ALB: variants seen among roughly 807,000 people sequenced by gnomAD.
The protein encoded by ALB is albumin, also known as serum albumin.
In ALB, 37 loss-of-function variants were observed where a neutral mutation model predicts 74.5. That is an observed-to-expected ratio of 0.50 (90% CI 0.38 to 0.65). The LOEUF is 0.65. ALB is among the 30% of genes least tolerant of loss of function. The pLI is 0.00. For synonymous variants in ALB, 249 were observed against 251.6 expected, an observed-to-expected ratio of 0.99 and a Z score of 0.10; for missense variants, 685 against 718.7, an observed-to-expected ratio of 0.95 and a Z score of 0.54.
intron 3 of ALB, among the ~76,000 whole-genome samples, chr4:73,407,132 C>T (rs1283408879): frequency 6.7e-6 from 1 of 149,872 alleles, no homozygotes; most frequent in Non-Finnish European, 1.5e-5. Flanking sequence ...TAGTAAGAAC[C>T]CTTAACATGA....
intron 9 of ALB, among the ~76,000 whole-genome samples, chr4:73,415,915 G>A (rs915588080): frequency 3.3e-5 from 5 of 152,192 alleles, no homozygotes; most frequent in African/African-American, 1.2e-4. Context: ...TTACAGAGCA[G>A]CTCTATGAGA....
At chr4:73,413,287 A>G in intron 7 of ALB, 133 bp from the exon 8 acceptor site, 1 of 842,770 alleles carries the variant, frequency 1.2e-6, no homozygotes, top group Non-Finnish European at 1.9e-6. Context: ...GAGCAAACAG[A>G]GTATGTTCAT....
chr4:73,416,236 A>C lies in ALB; in HGVS notation c.1192-20A>C, dbSNP rs1447288736. 6.2e-7 allele frequency: 1 copy of C among 1,600,720 alleles called. No homozygotes were observed. The highest frequency in any genetic ancestry group is 8.6e-7 in the Non-Finnish European group (1 of 1,168,368). Reference sequence around the variant, plus strand: ...GATCCTGAGGCATAATACTATTAACACAATTCTTTTATGTTTCAGTTCGAT... The same window carrying C: ...GATCCTGAGGCATAATACTATTAACCCAATTCTTTTATGTTTCAGTTCGAT... On this transcript the variant is annotated intron_variant, in intron 9 of 14. Coordinates refer to ENST00000295897, the MANE Select transcript of ALB (RefSeq NM_000477.7).
chr4:73,412,505 G>C (rs932064934), intron 7 of ALB, among the ~76,000 whole-genome samples: 3 of 152,142 alleles, frequency 2.0e-5, no homozygotes, highest in Non-Finnish European at 4.4e-5. Flanking sequence ...GGGTGCAATG[G>C]TGTGATCTTG....
rs76804474 is a variant in ALB at position 73,417,672 on chromosome 4, G to A, written c.1428+3G>A. ...GAATGCCCTGTGCAGAAGACTATGTGAGTCTTTAAAAAAATATAATAAATT... is the reference window on the plus strand; with the variant it reads ...GAATGCCCTGTGCAGAAGACTATGTAAGTCTTTAAAAAAATATAATAAATT... On this transcript the variant is annotated splice_donor_region_variant and intron_variant, in intron 11 of 14. Transcript: ENST00000295897. 2 of 1,586,050 alleles carry A rather than the reference G, an allele frequency of 1.3e-6. No individual in the cohort carries two copies. Among genetic ancestry groups the A allele is most frequent in the Non-Finnish European group, 1.7e-6 (2 of 1,169,432 alleles).
At chr4:73,420,410 C>A in intron 14 of ALB, 89 bp downstream of exon 14, 1 of 786,910 alleles carries the variant, frequency 1.3e-6, no homozygotes, top group Non-Finnish European at 2.1e-6. Flanking sequence ...GCCATATAGA[C>A]CAGCACCGAC....
chr4:73,404,373 G>T lies in ALB; in HGVS notation c.46G>T (p.Ala16Ser). ...TTCCCTTCTTTTTCTCTTTAGCTCG[G>T]CTTATTCCAGGGGTGTGTTTCGTCG... ...FISLLFLFSS[A>S]YSRGVFRRDA... The change falls in exon 1 of 15, where the codon GCT becomes TCT. Residue 16 changes from alanine to serine, a missense_variant. Transcript: ENST00000295897. The T allele has an allele frequency of 6.2e-7, 1 of 1,613,634 alleles. No individual in the cohort carries two copies. Among genetic ancestry groups the T allele is most frequent in the African/African-American group, 1.3e-5 (1 of 74,956 alleles).
chr4:73,409,907 T>C (rs967307387), intron 5 of ALB, among the ~76,000 whole-genome samples: 2 of 152,156 alleles, frequency 1.3e-5, no homozygotes, highest in African/African-American at 4.8e-5. Flanking sequence ...TCCATAAATA[T>C]ATATTATGGA....
At chr4:73,409,041 A>G in intron 4 of ALB, 2 of 579,026 alleles carry the variant, frequency 3.5e-6, no homozygotes, top group Non-Finnish European at 3.0e-6. Flanking sequence ...TGAAAAATTT[A>G]AGATAGACAA....
At chr4:73,420,359 A>ATAGT in intron 14 of ALB, 38 bp downstream of exon 14, 2 of 1,340,916 alleles carry the variant, frequency 1.5e-6, no homozygotes, top group Middle Eastern at 2.4e-4. Context: ...AGTAACTATA[A>ATAGT]TAGTTATTAT....
At chr4:73,414,559 G>A (rs1389528144) in intron 8 of ALB, among the ~76,000 whole-genome samples, 1 of 152,066 alleles carries the variant, frequency 6.6e-6, no homozygotes. Context: ...CGCCTCCCAG[G>A]TTCAAGCGAT....
intron 3 of ALB, 65 bp from the exon 4 acceptor site, chr4:73,408,529 C>A: frequency 1.4e-6 from 2 of 1,386,356 alleles, no homozygotes; most frequent in Non-Finnish European, 2.0e-6. Flanking sequence ...ATCCTTTGTA[C>A]TGTTCTTTGG....
At position 73,421,274 on chromosome 4, in the gene ALB, G is replaced by A; in HGVS notation, c.*206G>A. 2.2e-6 allele frequency: 1 copy of A among 446,244 alleles called. No individual in the cohort carries two copies. Among genetic ancestry groups the A allele is most frequent in the Non-Finnish European group, 4.0e-6 (1 of 252,864 alleles). The allele number at this position is 446,244 out of a possible 1,614,324, so 27.6% of individuals were successfully genotyped here. On this transcript the variant is annotated 3_prime_UTR_variant, in exon 15 of 15. Coordinates refer to ENST00000295897, the MANE Select transcript of ALB (RefSeq NM_000477.7). ...GAATCTAATAGAGTGGTACAGCACT[G>A]TTATTTTTCAAAGATGTGTTGCTAT...
At position 73,408,805 on chromosome 4, in the gene ALB, A is replaced by C; in HGVS notation, c.482A>C (p.Lys161Thr). The C allele has an allele frequency of 6.2e-7, 1 of 1,612,742 alleles. No homozygotes were observed. Among genetic ancestry groups the C allele is most frequent in the South Asian group, 1.1e-5 (1 of 90,938 alleles). ...GACAATGAAGAGACATTTTTGAAAAAGTAAGTAATCAGATGTTTATAGTTC... is the reference window on the plus strand; with the variant it reads ...GACAATGAAGAGACATTTTTGAAAACGTAAGTAATCAGATGTTTATAGTTC... ...FHDNEETFLK[K>T]YLYEIARRHP... Residue 161 changes from lysine (K) to threonine (T), a missense_variant and splice_region_variant, in exon 4 of 15, where the codon AAA becomes ACA. Lys to Thr is a moderately conservative substitution (Grantham distance 78, BLOSUM62 -1). Transcript: ENST00000295897.
Position 73,408,729 on chromosome 4 carries a change from C to G in ALB, c.406C>G (p.Leu136Val), listed in dbSNP as rs567246153. 1.2e-6 allele frequency: 2 copies of G among 1,614,088 alleles called. No homozygotes were observed. Among genetic ancestry groups the G allele is most frequent in the Admixed American group, 3.3e-5 (2 of 60,018 alleles). ...GCAACACAAAGATGACAACCCAAAC[C>G]TCCCCCGATTGGTGAGACCAGAGGT... is the stretch of plus-strand genomic sequence containing the variant. Reference protein sequence around the residue: ...FLQHKDDNPNLPRLVRPEVDV... With the variant: ...FLQHKDDNPNVPRLVRPEVDV... Residue 136 changes from leucine to valine, a missense_variant, in exon 4 of 15, where the codon CTC becomes GTC. Physicochemically the swap from Leu to Val is conservative, Grantham distance 32. Transcript: ENST00000295897.
In ALB at chr4:73,405,593, AT is replaced by A. The variant is rs577963316; in HGVS notation, c.137+435del. Among the ~76,000 whole-genome samples, 847 of 142,708 alleles carry A rather than the reference AT, an allele frequency of 5.9e-3. 1 individual carries two copies. Among genetic ancestry groups the A allele is most frequent in the African/African-American group, 0.011 (446 of 39,226 alleles). The allele number at this position is 142,708 out of a possible 152,430, so 93.6% of individuals were successfully genotyped here. A position where few individuals can be genotyped will look rare whatever the true frequency, so the allele number is the denominator to read the frequency against. On this transcript the variant is annotated intron_variant, in intron 2 of 14. Transcript: ENST00000295897. ...TCCTGTGCTTAGTTGGGAATATTTAATTTTTTTTTTTTTTTAAGACAGGGTC... is the reference window on the plus strand; with the variant it reads ...TCCTGTGCTTAGTTGGGAATATTTAATTTTTTTTTTTTTTAAGACAGGGTC...
chr4:73,416,896 T>C (rs1719027074), intron 10 of ALB, among the ~76,000 whole-genome samples: 1 of 152,198 alleles, frequency 6.6e-6, no homozygotes, highest in South Asian at 2.1e-4. Flanking sequence ...CAATAGAGTC[T>C]TATCTATGAA....
intron 14 of ALB, 125 bp from the exon 15 acceptor site, chr4:73,420,967 T>C (rs2149330292): frequency 1.7e-6 from 1 of 585,484 alleles, no homozygotes; most frequent in Non-Finnish European, 3.0e-6. Context: ...AGGACAGGCT[T>C]AAATTGTTTT....
At position 73,413,459 on chromosome 4, in the gene ALB, A is replaced by T. The variant is rs774867080; in HGVS notation, c.883A>T (p.Ile295Phe). 6.2e-7 allele frequency: 1 copy of T among 1,614,180 alleles called. No homozygotes were observed. The highest frequency in any genetic ancestry group is 8.5e-7 in the Non-Finnish European group (1 of 1,180,030). The change falls in exon 8 of 15, where the codon ATC (isoleucine) becomes TTC (phenylalanine). Residue 295 changes from isoleucine to phenylalanine, a missense_variant. By Grantham distance (21) the Ile-to-Phe change is conservative (BLOSUM62 0). Coordinates refer to ENST00000295897, the MANE Select transcript of ALB (RefSeq NM_000477.7). ...GTATATCTGTGAAAATCAAGATTCG[A>T]TCTCCAGTAAACTGAAGGAATGCTG... ...AKYICENQDS[I>F]SSKLKECCEK...
Sources: allele counts gnomAD v4.1 joint callset (sites outside exome capture counted in the v4.1 genomes callset), GRCh38; gene constraint gnomAD v4.1.1; transcripts MANE v1.5; gene names NCBI Gene and HGNC (gene_info 2026-07-23, HGNC 2026-07-21).